The following RASGRF1 variants were observed in gnomAD, a reference collection of about 807,000 sequenced individuals.
The protein encoded by RASGRF1 is Ras protein specific guanine nucleotide releasing factor 1.
Under a neutral mutation model 138.7 loss-of-function variants are expected in RASGRF1, and 40 were observed. The observed-to-expected ratio is 0.29, with a 90% confidence interval of 0.22 to 0.38. The LOEUF (loss-of-function observed/expected upper bound fraction) is 0.38, where lower values mean the gene tolerates loss of function less well. Among genes scored for constraint, RASGRF1 ranks in the 10% least tolerant of loss-of-function variants. The probability of loss-of-function intolerance (pLI) is 1.00; values close to 1 mark genes in which losing one functional copy is unlikely to be tolerated. For missense variants in RASGRF1, 1,108 were observed against 1,650.4 expected (o/e 0.67, Z 5.69); for synonymous variants, 614 against 663.2 (o/e 0.93, Z 1.14).
chr15:79,071,156 C>G (rs565885400), intron 1 of RASGRF1, among the ~76,000 whole-genome samples: 1 of 152,190 alleles, frequency 6.6e-6, no homozygotes, highest in Non-Finnish European at 1.5e-5. Flanking sequence ...GTTTTCATGG[C>G]GGGTCTCAGG....
At chr15:79,080,823 C>G (rs1335721659) in intron 1 of RASGRF1, among the ~76,000 whole-genome samples, 1 of 152,176 alleles carries the variant, frequency 6.6e-6, no homozygotes. Context: ...CCTCAATGTC[C>G]ACTAGACCTA....
At chr15:79,067,765 C>CAGAGAT (rs1239883471) in intron 1 of RASGRF1, among the ~76,000 whole-genome samples, 1 of 151,860 alleles carries the variant, frequency 6.6e-6, no homozygotes, top group Non-Finnish European at 1.5e-5. Flanking sequence ...TTGGTAGGGA[C>CAGAGAT]AGAGATAGAG....
chr15:78,984,693 C>T (rs2056109425), intron 23 of RASGRF1: 1 of 373,892 alleles, frequency 2.7e-6, no homozygotes, highest in African/African-American at 2.1e-5. Flanking sequence ...CCCTGCAGAT[C>T]CCCATAAAGC....
At chr15:79,061,048 G>A (rs926795050) in intron 2 of RASGRF1, among the ~76,000 whole-genome samples, 1 of 152,198 alleles carries the variant, frequency 6.6e-6, no homozygotes, top group Admixed American at 6.5e-5. Flanking sequence ...AGGCTGGAGA[G>A]TTACTAGCTT....
chr15:78,964,269 A>C (rs1323163002), intron 26 of RASGRF1, among the ~76,000 whole-genome samples: 1 of 151,712 alleles, frequency 6.6e-6, no homozygotes, highest in Admixed American at 6.6e-5. Flanking sequence ...CCGCCTCCCG[A>C]GTTCAAGCGA....
At chr15:79,031,610 A>AAGAGGG (rs1410352252) in intron 7 of RASGRF1, 101 bp from the exon 8 acceptor site, 18 of 293,766 alleles carry the variant, frequency 6.1e-5, no homozygotes, top group African/African-American at 1.6e-4. Flanking sequence ...GAGAGAGAGA[A>AAGAGGG]AGAGGGAGAG....
In RASGRF1 at chr15:79,027,822, G is replaced by A; in HGVS notation, c.1300C>T (p.Arg434Trp). The A allele has an allele frequency of 6.2e-7, 1 of 1,614,188 alleles. No individual in the cohort carries two copies. Residue 434 changes from arginine (R) to tryptophan (W), a missense_variant, in exon 9 of 27, where the codon CGG becomes TGG. Transcript: ENST00000558480. This position sits in a 1 kb window ranked among gnomAD's most constrained non-coding sequence, Gnocchi z 4.8. ...HDEVSETENIRKNLAIERMII... is the reference protein window; with the variant it reads ...HDEVSETENIWKNLAIERMII... ...ATGCGCTCGATGGCCAGGTTTTTCC[G>A]GATGTTCTCCGTCTCACTTACTTCA...
chr15:79,057,465 G>C (rs1218731591), intron 3 of RASGRF1, among the ~76,000 whole-genome samples: 2 of 152,228 alleles, frequency 1.3e-5, no homozygotes, highest in East Asian at 3.8e-4. Context: ...ATACCCAGCT[G>C]ACTTCAGGAG....
intron 22 of RASGRF1, among the ~76,000 whole-genome samples, chr15:78,986,118 C>T (rs1180746041): frequency 6.6e-6 from 1 of 152,066 alleles, no homozygotes; most frequent in African/African-American, 2.4e-5. Flanking sequence ...GGACAGGACA[C>T]ACTTTGAAGC....
chr15:79,006,146 A>G lies in RASGRF1; in HGVS notation c.2075+40T>C, dbSNP rs1490824974. 6 of 1,611,576 alleles carry G rather than the reference A, an allele frequency of 3.7e-6. No individual in the cohort carries two copies. The highest frequency in any genetic ancestry group is 5.1e-6 in the Non-Finnish European group (6 of 1,178,234). ...AGCTCAGTTTTCCTCCAAGGCTTGGAAGCTCTCCGGGCATGGGAGGAGGAG... is the reference window on the plus strand; with the variant it reads ...AGCTCAGTTTTCCTCCAAGGCTTGGGAGCTCTCCGGGCATGGGAGGAGGAG... On this transcript the variant is annotated intron_variant, in intron 14 of 26. Coordinates refer to ENST00000558480, the MANE Select transcript of RASGRF1 (RefSeq NM_001145648.3). This position sits in a 1 kb window ranked among gnomAD's most constrained non-coding sequence, Gnocchi z 4.0.
intron 9 of RASGRF1, among the ~76,000 whole-genome samples, chr15:79,026,956 A>G (rs1471876261): frequency 6.6e-6 from 1 of 152,024 alleles, no homozygotes; most frequent in Non-Finnish European, 1.5e-5. Context: ...AAAAGGTGAT[A>G]CCCTTGTCCA....
intron 3 of RASGRF1, among the ~76,000 whole-genome samples, chr15:79,054,347 T>C (rs570601358): frequency 6.6e-6 from 1 of 152,284 alleles, no homozygotes; most frequent in Non-Finnish European, 1.5e-5. Flanking sequence ...TTTGAGCTGT[T>C]TTCTGTTTTA....
chr15:79,025,474 C>A lies in RASGRF1; in HGVS notation c.1382G>T (p.Gly461Val). Residue 461 changes from glycine to valine, a missense_variant and splice_region_variant, in exon 10 of 27, where the codon GGT becomes GTT. Coordinates refer to ENST00000558480, the MANE Select transcript of RASGRF1 (RefSeq NM_001145648.3). ...LDTSQTFVRQ[G>V]SLIQVPMSEK... ...AGACATGGGCACCTGAATGAGGGAA[C>A]CTGTGGGTGGAGGAGAGAGACCCTG... 6.2e-7 allele frequency: 1 copy of A among 1,611,572 alleles called. No homozygotes were observed. Among genetic ancestry groups the A allele is most frequent in the Non-Finnish European group, 8.5e-7 (1 of 1,178,664 alleles).
At chr15:78,982,234 T>C (rs1248499506) in intron 23 of RASGRF1, among the ~76,000 whole-genome samples, 1 of 152,198 alleles carries the variant, frequency 6.6e-6, no homozygotes, top group African/African-American at 2.4e-5. Context: ...CCAGTGGCCA[T>C]GCAGTTCTAG....
At chr15:79,035,871 C>T (rs1238323795) in intron 5 of RASGRF1, among the ~76,000 whole-genome samples, 3 of 152,242 alleles carry the variant, frequency 2.0e-5, no homozygotes, top group African/African-American at 7.2e-5. Context: ...TGACCGCCCC[C>T]GCTGTTTGGA....
In RASGRF1 at chr15:79,027,688, G is replaced by A. The variant is rs1011831667; in HGVS notation, c.1381+53C>T. 33 of 1,558,092 alleles carry A rather than the reference G, an allele frequency of 2.1e-5. No homozygotes were observed. The highest frequency in any genetic ancestry group is 4.1e-5 in the African/African-American group (3 of 73,590). ...CGTCCCCGAGTGCCGCCTCCCTCCC[G>A]CTGCTGGGGCCCACCTGGTGGGGGC... On this transcript the variant is annotated intron_variant, in intron 9 of 26. Transcript: ENST00000558480. This position sits in a 1 kb window ranked among gnomAD's most constrained non-coding sequence, Gnocchi z 4.8.
chr15:79,015,482 A>G (rs2056865653), intron 12 of RASGRF1, 73 bp from the exon 13 acceptor site: 1 of 1,372,598 alleles, frequency 7.3e-7, no homozygotes, highest in Non-Finnish European at 1.0e-6. Flanking sequence ...AGCTCTGCCA[A>G]CTGTAAAGTT....
In RASGRF1 at chr15:79,090,391, G is replaced by T; in HGVS notation, c.108C>A (p.Asn36Lys). 1 of 1,613,676 alleles carries T rather than the reference G, an allele frequency of 6.2e-7. No individual in the cohort carries two copies. ...KGYLSKRSSD[N>K]TKWQTKWFAL... ...CGAACCACTTGGTTTGCCATTTTGT[G>T]TTGTCCGAACTCCGCTTGCTCAGGT... Residue 36 changes from asparagine to lysine, a missense_variant, in exon 1 of 27, where the codon AAC becomes AAA. Coordinates refer to ENST00000558480, the MANE Select transcript of RASGRF1 (RefSeq NM_001145648.3).
chr15:79,012,686 C>G (rs1248233716), intron 13 of RASGRF1, among the ~76,000 whole-genome samples: 1 of 152,032 alleles, frequency 6.6e-6, no homozygotes, highest in Non-Finnish European at 1.5e-5. Flanking sequence ...TTCATCCGCA[C>G]TCTCTCTTTT....
Sources: allele counts gnomAD v4.1 joint callset (sites outside exome capture counted in the v4.1 genomes callset), GRCh38; gene constraint gnomAD v4.1.1; non-coding constraint Gnocchi (gnomAD v3.1); transcripts MANE v1.5; gene names NCBI Gene and HGNC (gene_info 2026-07-23, HGNC 2026-07-21).